CES1: variants seen among roughly 807,000 people sequenced by gnomAD.
CES1 encodes the protein liver carboxylesterase 1.
In CES1, 50 loss-of-function variants were observed where a neutral mutation model predicts 53.0. The ratio of observed to expected loss-of-function variants is 0.94; its 90% confidence interval spans 0.75 to 1.19. The LOEUF is 1.19. Ranked by LOEUF, CES1 falls within the 50% of genes most tolerant of loss-of-function variation. The pLI is 0.00. For synonymous variants in CES1, 202 were observed against 210.1 expected, an observed-to-expected ratio of 0.96 and a Z score of 0.33; for missense variants, 534 against 538.0, an observed-to-expected ratio of 0.99 and a Z score of 0.07.
chr16:55,832,997 G>A lies in CES1; in HGVS notation c.52+7C>T. 6.4e-7 allele frequency: 1 copy of A among 1,556,502 alleles called. No homozygotes were observed. The highest frequency in any genetic ancestry group is 8.8e-7 in the Non-Finnish European group (1 of 1,133,982). ...GTGCCCCGCATTTTGATTTCAGAAGGACTCACCCCAAGCCGCGGAAGCAGA... is the reference window on the plus strand; with the variant it reads ...GTGCCCCGCATTTTGATTTCAGAAGAACTCACCCCAAGCCGCGGAAGCAGA... On this transcript the variant is annotated splice_region_variant and intron_variant, in intron 1 of 13. Transcript: ENST00000360526.
chr16:55,832,025 G>T (rs1375213246), intron 1 of CES1, among the ~76,000 whole-genome samples: 6 of 152,230 alleles, frequency 3.9e-5, no homozygotes, highest in Admixed American at 3.3e-4. Flanking sequence ...CCACCCCAGA[G>T]CCCACACCCC....
At chr16:55,832,908 C>T in intron 1 of CES1, 96 bp downstream of exon 1, 1 of 1,120,550 alleles carries the variant, frequency 8.9e-7, no homozygotes, top group South Asian at 1.2e-5. Flanking sequence ...AGAGCCGGAC[C>T]TGTTGTGTCT....
chr16:55,810,770 C>T, intron 10 of CES1, 106 bp from the exon 11 acceptor site: 3 of 1,480,628 alleles, frequency 2.0e-6, no homozygotes, highest in Non-Finnish European at 1.9e-6. Context: ...CCCTGTGCAA[C>T]TCCCCGCTAG....
chr16:55,810,772 C>A, intron 10 of CES1, 108 bp from the exon 11 acceptor site: 1 of 1,475,466 alleles, frequency 6.8e-7, no homozygotes, highest in Non-Finnish European at 9.5e-7. Flanking sequence ...CTGTGCAACT[C>A]CCCGCTAGGG....
chr16:55,826,019 C>T (rs2032400118), intron 3 of CES1, 132 bp downstream of exon 3: 33 of 1,148,274 alleles, frequency 2.9e-5, no homozygotes, highest in Middle Eastern at 5.4e-4. Flanking sequence ...CCTGTGGAGG[C>T]CCTGGGGTCT....
rs761555651 is a variant in CES1 at position 55,821,441 on chromosome 16, G to A, written c.620C>T (p.Ala207Val). 1.7e-5 allele frequency: 27 copies of A among 1,614,048 alleles called. No individual in the cohort carries two copies. The South Asian group carries it at 2.5e-4, about 15-fold the overall frequency. The change falls in exon 5 of 14, where the codon GCC becomes GTC. Residue 207 changes from alanine (A) to valine (V), a missense_variant. Physicochemically the swap from Ala to Val is moderately conservative, Grantham distance 64. Around this residue, in one of 5 missense-constraint regions of CES1, gnomAD observed 85 missense variants for 81.9 expected, o/e 1.04. Coordinates refer to ENST00000360526, the MANE Select transcript of CES1 (RefSeq NM_001025195.2). ...AGAGCCTGGGTTCCCTCCAAAGCTG[G>A]CAATGTTGTCCTGGACCCAGCGCAG... is the stretch of plus-strand genomic sequence containing the variant. ...AALRWVQDNIASFGGNPGSVT... is the reference protein window; with the variant it reads ...AALRWVQDNIVSFGGNPGSVT...
chr16:55,826,934 T>C (rs559544018), intron 2 of CES1, among the ~76,000 whole-genome samples: 1 of 152,328 alleles, frequency 6.6e-6, no homozygotes, highest in South Asian at 2.1e-4. Context: ...GTATATTAAC[T>C]CATTTAAGCC....
At position 55,810,261 on chromosome 16, in the gene CES1, T is replaced by G. The variant is rs556708232; in HGVS notation, c.1318+256A>C. ...GATTGGATTCCATCTCTTTCCTCTC[T>G]CACTTCCCCACCTCCCTACTGCTGT... On this transcript the variant is annotated intron_variant, in intron 11 of 13. Transcript: ENST00000360526. 2.0e-5 allele frequency among the ~76,000 whole-genome samples: 3 copies of G among 152,158 alleles called. No individual in the cohort carries two copies. The East Asian group carries it at 5.8e-4, about 29-fold the overall frequency.
At chr16:55,813,748 C>T (rs1476458247) in intron 8 of CES1, among the ~76,000 whole-genome samples, 2 of 152,146 alleles carry the variant, frequency 1.3e-5, no homozygotes, top group African/African-American at 4.8e-5. Flanking sequence ...GCCTGTTTAG[C>T]TCAGGAACGC....
chr16:55,810,802 G>T, intron 10 of CES1, 125 bp downstream of exon 10: 1 of 1,415,836 alleles, frequency 7.1e-7, no homozygotes, highest in Non-Finnish European at 1.0e-6. Context: ...AAGTGGGAAA[G>T]GTGGAAAGAT....
rs1398410202 is a variant in CES1, at chr16:55,831,693, A to G, written c.52+1311T>C. Among the ~76,000 whole-genome samples, 15 of 145,480 alleles carry G rather than the reference A, an allele frequency of 1.0e-4. No homozygotes were observed. The Admixed American group carries it at 1.0e-3, about 10-fold the overall frequency. ...GGTAAAGGAACATTCAGTTCCAAAT[A>G]GGCTTCCTCTCTTCTCTGCCCTTCC... On this transcript the variant is annotated intron_variant, in intron 1 of 13. Coordinates refer to ENST00000360526, the MANE Select transcript of CES1 (RefSeq NM_001025195.2).
intron 8 of CES1, among the ~76,000 whole-genome samples, chr16:55,814,727 C>G (rs1381366195): frequency 1.3e-5 from 2 of 152,220 alleles, no homozygotes; most frequent in African/African-American, 4.8e-5. Flanking sequence ...TGGACAATTC[C>G]TAGCCTTTGA....
chr16:55,825,074 A>G (rs1387619579), intron 3 of CES1, among the ~76,000 whole-genome samples: 1 of 152,226 alleles, frequency 6.6e-6, no homozygotes, highest in East Asian at 1.9e-4. Context: ...CCAGAAGGCA[A>G]GATCCTTGAA....
At position 55,816,385 on chromosome 16, in the gene CES1, G is replaced by A. The variant is rs1331065759; in HGVS notation, c.945+539C>T. Reference sequence around the variant, plus strand: ...AGGAGAGTGCTGTGATCTCCAGGGAGGCAGCAGAGAGGACAGGATTGTAAG... The same window carrying A: ...AGGAGAGTGCTGTGATCTCCAGGGAAGCAGCAGAGAGGACAGGATTGTAAG... On this transcript the variant is annotated intron_variant, in intron 8 of 13. Transcript: ENST00000360526. Among the ~76,000 whole-genome samples the A allele has an allele frequency of 3.9e-5, 6 of 152,368 alleles. No individual in the cohort carries two copies. In the East Asian group the frequency reaches 9.6e-4, roughly 24 times the overall value.
chr16:55,815,496 G>A (rs2031898603), intron 8 of CES1, among the ~76,000 whole-genome samples: 1 of 152,242 alleles, frequency 6.6e-6, no homozygotes, highest in African/African-American at 2.4e-5. Flanking sequence ...ACAATGACAA[G>A]TGATTGTTCT....
intron 1 of CES1, among the ~76,000 whole-genome samples, chr16:55,829,737 A>T (rs1185355879): frequency 5.3e-5 from 8 of 152,102 alleles, no homozygotes; most frequent in Non-Finnish European, 1.0e-4. Flanking sequence ...AGTTTTCTTT[A>T]ATGGACAAAT....
At position 55,833,013 on chromosome 16, in the gene CES1, C is replaced by T; in HGVS notation, c.43G>A (p.Ala15Thr). The T allele has an allele frequency of 2.6e-6, 4 of 1,559,060 alleles. 2 individuals carry two copies. The highest frequency in any genetic ancestry group is 1.8e-6 in the Non-Finnish European group (2 of 1,138,896). ...AFILATLSASAAWAGHPSSPP... is the reference protein window; with the variant it reads ...AFILATLSASTAWAGHPSSPP... Reference sequence around the variant, plus strand: ...TTTCAGAAGGACTCACCCCAAGCCGCGGAAGCAGAGAGAGTGGCCAGGATA... The same window carrying T: ...TTTCAGAAGGACTCACCCCAAGCCGTGGAAGCAGAGAGAGTGGCCAGGATA... Residue 15 changes from alanine to threonine, a missense_variant, in exon 1 of 14, where the codon GCG (alanine) becomes ACG (threonine). This residue lies in a region of CES1 where 164 missense variants were observed against 162.4 expected (regional missense o/e 1.01). Coordinates refer to ENST00000360526, the MANE Select transcript of CES1 (RefSeq NM_001025195.2).
At chr16:55,831,430 G>C (rs1277653829) in intron 1 of CES1, among the ~76,000 whole-genome samples, 1 of 150,922 alleles carries the variant, frequency 6.6e-6, no homozygotes, top group Admixed American at 6.6e-5. Context: ...AATGGGGGGA[G>C]GCAGAAACAA....
At position 55,811,012 on chromosome 16, in the gene CES1, T is replaced by TG. The variant is rs1555511768; in HGVS notation, c.1087-3_1087-2insC. On this transcript the variant is annotated splice_polypyrimidine_tract_variant and splice_region_variant and intron_variant, in intron 9 of 13. Coordinates refer to ENST00000360526, the MANE Select transcript of CES1 (RefSeq NM_001025195.2). ...GGAGAGTGGATAGCTCATCAACTGCTAAAAAAAAAAAAAAGTTCAGCATTT... is the reference window on the plus strand; with the variant it reads ...GGAGAGTGGATAGCTCATCAACTGCTGAAAAAAAAAAAAAAGTTCAGCATTT... 1.2e-3 allele frequency: 1,633 copies of TG among 1,409,476 alleles called. 9 individuals carry two copies. In the African/African-American group the frequency reaches 0.024, roughly 21 times the overall value. The allele number at this position is 1,409,476 out of a possible 1,614,324, so 87.3% of individuals were successfully genotyped here. A position where few individuals can be genotyped will look rare whatever the true frequency, so the allele number is the denominator to read the frequency against.
Sources: allele counts gnomAD v4.1 joint callset (sites outside exome capture counted in the v4.1 genomes callset), GRCh38; gene constraint gnomAD v4.1.1; regional missense constraint gnomAD v4.1.1; transcripts MANE v1.5; gene names NCBI Gene and HGNC (gene_info 2026-07-23, HGNC 2026-07-21).